Variants in LSM5 observed in about 807,000 individuals in gnomAD.
LSM5 encodes the protein U6 snRNA-associated Sm-like protein LSm5.
LSM5 carries 8 observed loss-of-function variants against 13.8 expected under a neutral mutation model. The observed-to-expected ratio is 0.58, with a 90% confidence interval of 0.34 to 1.04. LSM5 has a LOEUF of 1.04. Ranked by LOEUF, LSM5 falls within the 50% of genes least tolerant of loss-of-function variation. LSM5 has a pLI of 0.03. For missense variants in LSM5, 80 were observed against 108.1 expected (o/e 0.74, Z 1.15); for synonymous variants, 35 against 37.0 (o/e 0.95, Z 0.20).
upstream of LSM5, among the ~76,000 whole-genome samples, chr7:32,491,152 T>C (rs563060751): frequency 4.4e-4 from 67 of 152,270 alleles, no homozygotes; most frequent in African/African-American, 1.6e-3. Context: ...TCCCAGCACT[T>C]TGGAAGGCCG....
chr7:32,493,825 G>A (rs1315887037), upstream of LSM5, among the ~76,000 whole-genome samples: 1 of 150,668 alleles, frequency 6.6e-6, no homozygotes, highest in African/African-American at 2.4e-5. Flanking sequence ...ACCAGCATGA[G>A]CCACCACGCC....
upstream of LSM5, among the ~76,000 whole-genome samples, chr7:32,491,404 A>T: frequency 6.6e-6 from 1 of 151,734 alleles, no homozygotes; most frequent in Admixed American, 6.6e-5. Context: ...TCTCAAAAAA[A>T]AAAAAAAAAA....
chr7:32,493,007 T>C (rs1052103382), upstream of LSM5, among the ~76,000 whole-genome samples: 1 of 152,356 alleles, frequency 6.6e-6, no homozygotes, highest in African/African-American at 2.4e-5. Context: ...ACAACTCATT[T>C]AAAACATAAT....
chr7:32,489,222 TACC>T, intron 2 of LSM5, 24 bp downstream of exon 2: 14 of 1,164,160 alleles, frequency 1.2e-5, no homozygotes, highest in Admixed American at 1.9e-5. Context: ...GAAAAACCTA[TACC>T]ACCACCACCT....
chr7:32,488,725 G>A, intron 2 of LSM5, 73 bp from the exon 3 acceptor site: 1 of 1,043,038 alleles, frequency 9.6e-7, no homozygotes, highest in Non-Finnish European at 1.5e-6. Context: ...TTTGTTTTTT[G>A]TTTTTGTTTT....
chr7:32,489,061 A>C (rs1029070107), intron 2 of LSM5, among the ~76,000 whole-genome samples, 188 bp downstream of exon 2: 2 of 152,268 alleles, frequency 1.3e-5, no homozygotes, highest in East Asian at 3.8e-4. Context: ...ACAATGGCTC[A>C]AATTCAAAAT....
rs759261677 is a variant in LSM5, at chr7:32,487,312, G to T, written c.244-19C>A. The T allele has an allele frequency of 5.6e-6, 9 of 1,611,014 alleles. No individual in the cohort carries two copies. Among genetic ancestry groups the T allele is most frequent in the Non-Finnish European group, 7.6e-6 (9 of 1,177,654 alleles). ...GAACCAGCTGCATAAAGAGGAAAAA[G>T]AGTTTATTAATAACACTACCACCAT... On this transcript the variant is annotated intron_variant, in intron 4 of 4. Coordinates refer to ENST00000450169, the MANE Select transcript of LSM5 (RefSeq NM_012322.3).
At position 32,486,423 on chromosome 7, in the gene LSM5, CCTT is replaced by C. The variant is rs1786449533; in HGVS notation, c.*835_*837del. 1 of 152,184 alleles carries C rather than the reference CCTT, an allele frequency of 6.6e-6. No individual in the cohort carries two copies. The highest frequency in any genetic ancestry group is 2.4e-5 in the African/African-American group (1 of 41,440). The allele number at this position is 152,184 out of a possible 1,614,324, so 9.4% of individuals were successfully genotyped here. A position where few individuals can be genotyped will look rare whatever the true frequency, so the allele number is the denominator to read the frequency against. On this transcript the variant is annotated 3_prime_UTR_variant, in exon 5 of 5. Transcript: ENST00000450169. ...AAGACATACAGCAAAGCATGATCAA[CCTT>C]CTCCTTTTTGCTTACCTACAATTCT...
chr7:32,489,282 C>G lies in LSM5; in HGVS notation c.109G>C (p.Val37Leu). Residue 37 changes from valine to leucine, a missense_variant, in exon 2 of 5, where the codon GTT becomes CTT. Val to Leu is a conservative substitution (Grantham distance 32). Transcript: ENST00000450169. ...HIVMKSDKEI[V>L]GTLLGFDDFV... ...TCATCAAATCCTAGAAGAGTACCAACAATTTCCTTATCACTCTTCATCACG... is the reference window on the plus strand; with the variant it reads ...TCATCAAATCCTAGAAGAGTACCAAGAATTTCCTTATCACTCTTCATCACG... The G allele has an allele frequency of 6.2e-7, 1 of 1,608,906 alleles. No homozygotes were observed. The highest frequency in any genetic ancestry group is 8.5e-7 in the Non-Finnish European group (1 of 1,176,244).
At chr7:32,490,133 G>A in intron 1 of LSM5, 187 bp downstream of exon 1, 1 of 1,538,818 alleles carries the variant, frequency 6.5e-7, no homozygotes. Context: ...GTCCTTGCCT[G>A]GAGGAGCCCG....
intron 2 of LSM5, 66 bp from the exon 3 acceptor site, chr7:32,488,718 GT>G: frequency 8.5e-7 from 1 of 1,169,914 alleles, no homozygotes; most frequent in Non-Finnish European, 1.3e-6. Flanking sequence ...TTCAGCTTTT[GT>G]TTTTTGTTTT....
chr7:32,487,248 C>A lies in LSM5; in HGVS notation c.*13G>T. On this transcript the variant is annotated 3_prime_UTR_variant, in exon 5 of 5. Transcript: ENST00000450169. ...AGCCAAAACAAAATCTAGTGTAAGT[C>A]AAGGAAACTCATTCACACTTCAGGT... The A allele has an allele frequency of 6.2e-7, 1 of 1,612,594 alleles. No individual in the cohort carries two copies. The highest frequency in any genetic ancestry group is 1.1e-5 in the South Asian group (1 of 90,962).
upstream of LSM5, chr7:32,490,482 G>T: frequency 1.3e-6 from 1 of 795,236 alleles, no homozygotes; most frequent in Non-Finnish European, 2.1e-6. Context: ...GCACGATCTA[G>T]TCAGCTGCGT....
Position 32,486,977 on chromosome 7 carries a change from C to A in LSM5, c.*284G>T, listed in dbSNP as rs1186469707. ...CATATAATGACAGAAAAGTAAGTGGCAAAATAACTACAAACTTTGTTCCAC... is the reference window on the plus strand; with the variant it reads ...CATATAATGACAGAAAAGTAAGTGGAAAAATAACTACAAACTTTGTTCCAC... On this transcript the variant is annotated 3_prime_UTR_variant, in exon 5 of 5. Coordinates refer to ENST00000450169, the MANE Select transcript of LSM5 (RefSeq NM_012322.3). 9.5e-6 allele frequency: 4 copies of A among 421,532 alleles called. No homozygotes were observed. Among genetic ancestry groups the A allele is most frequent in the Non-Finnish European group, 1.7e-5 (4 of 238,906 alleles). 26.1% of individuals were successfully genotyped at this position (421,532 alleles called of 1,614,324 possible).
intron 1 of LSM5, chr7:32,489,675 C>T (rs1786528810): frequency 6.5e-6 from 2 of 306,840 alleles, no homozygotes; most frequent in South Asian, 6.1e-5. Context: ...CCTTTCCCAA[C>T]TCTGTCTATC....
chr7:32,493,257 C>T (rs535670654), upstream of LSM5, among the ~76,000 whole-genome samples: 9 of 152,292 alleles, frequency 5.9e-5, no homozygotes, highest in South Asian at 2.1e-4. Flanking sequence ...GTACCACAGG[C>T]GCGTGCTACC....
intron 3 of LSM5, chr7:32,488,005 A>T: frequency 2.3e-6 from 1 of 430,240 alleles, no homozygotes. Context: ...AAAGAAGTGA[A>T]AGCTTGCCCA....
chr7:32,491,924 CACT>C (rs1283101535), upstream of LSM5, among the ~76,000 whole-genome samples: 3 of 130,308 alleles, frequency 2.3e-5, no homozygotes, highest in African/African-American at 8.4e-5. Context: ...ACACTGTGCA[CACT>C]ACATTTTCAG....
intron 1 of LSM5, chr7:32,490,108 G>A (rs760847288): frequency 6.6e-7 from 1 of 1,525,796 alleles, no homozygotes. Context: ...TGAAGGTCTG[G>A]TTTGAGAAGT....
Sources: allele counts gnomAD v4.1 joint callset (sites outside exome capture counted in the v4.1 genomes callset), GRCh38; gene constraint gnomAD v4.1.1; transcripts MANE v1.5; gene names NCBI Gene and HGNC (gene_info 2026-07-23, HGNC 2026-07-21).